The following H2AC1 variants were observed in gnomAD, a reference collection of about 807,000 sequenced individuals.
H2AC1 encodes the protein H2A clustered histone 1.
For missense variants in H2AC1, 218 were observed against 173.8 expected (o/e 1.25, Z -1.43); for synonymous variants, 145 against 70.0 (o/e 2.07, Z -5.35).
Position 25,726,081 on chromosome 6 carries a change from G to T in H2AC1, c.*51C>A. On this transcript the variant is annotated 3_prime_UTR_variant, in exon 1 of 1. Coordinates refer to ENST00000297012, the MANE Select transcript of H2AC1 (RefSeq NM_170745.3). ...GAGACGGTAGGTGGCTCTGAAAAGA[G>T]CCTTTTGTTTTTTCTGACACAGAAG... 6.8e-7 allele frequency: 1 copy of T among 1,467,922 alleles called. No homozygotes were observed. Among genetic ancestry groups the T allele is most frequent in the Non-Finnish European group, 9.1e-7 (1 of 1,097,966 alleles). The allele number at this position is 1,467,922 out of a possible 1,614,324, so 90.9% of individuals were successfully genotyped here. A position where few individuals can be genotyped will look rare whatever the true frequency, so the allele number is the denominator to read the frequency against.
Position 25,726,351 on chromosome 6 carries a change from G to T in H2AC1, c.177C>A (p.Leu59=). ...PVYLAAVLEY[L]TAEILELAGN... ...CTGCCAGCTCAAGGATTTCTGCTGT[G>T]AGATACTCTAACACTGCCGCCAAAT... Residue 59 remains leucine, a synonymous_variant, in exon 1 of 1, where the codon CTC becomes CTA. Coordinates refer to ENST00000297012, the MANE Select transcript of H2AC1 (RefSeq NM_170745.3). 6.2e-7 allele frequency: 1 copy of T among 1,614,110 alleles called. No individual in the cohort carries two copies. The highest frequency in any genetic ancestry group is 8.5e-7 in the Non-Finnish European group (1 of 1,180,016).
Position 25,726,352 on chromosome 6 carries a change from A to G in H2AC1, c.176T>C (p.Leu59Pro), listed in dbSNP as rs1397330800. Residue 59 changes from leucine (L) to proline (P), a missense_variant, in exon 1 of 1, where the codon CTC becomes CCC. Physicochemically the swap from Leu to Pro is moderately conservative, Grantham distance 98 (BLOSUM62 -3). Coordinates refer to ENST00000297012, the MANE Select transcript of H2AC1 (RefSeq NM_170745.3). ...TGCCAGCTCAAGGATTTCTGCTGTG[A>G]GATACTCTAACACTGCCGCCAAATA... is the stretch of plus-strand genomic sequence containing the variant. ...PVYLAAVLEY[L>P]TAEILELAGN... 6.2e-7 allele frequency: 1 copy of G among 1,614,144 alleles called. No individual in the cohort carries two copies. The highest frequency in any genetic ancestry group is 1.1e-5 in the South Asian group (1 of 91,072).
chr6:25,726,555 A>C lies in H2AC1; in HGVS notation c.-28T>G. 6.3e-7 allele frequency: 1 copy of C among 1,588,684 alleles called. No individual in the cohort carries two copies. The highest frequency in any genetic ancestry group is 1.1e-5 in the South Asian group (1 of 87,486). On this transcript the variant is annotated 5_prime_UTR_variant, in exon 1 of 1. Coordinates refer to ENST00000297012, the MANE Select transcript of H2AC1 (RefSeq NM_170745.3). ...CCTCGCATCAAATTGCAGCAACACG[A>C]GAACCACATTTCTAGGGCTGCTACT...
rs1561779607 is a variant in H2AC1, at chr6:25,726,467, T to C, written c.61A>G (p.Arg21Gly). 1.2e-6 allele frequency: 2 copies of C among 1,613,974 alleles called. No individual in the cohort carries two copies. Among genetic ancestry groups the C allele is most frequent in the Admixed American group, 1.7e-5 (1 of 60,028 alleles). Residue 21 changes from arginine (R) to glycine (G), a missense_variant, in exon 1 of 1, where the codon AGA becomes GGA. By Grantham distance (125) the Arg-to-Gly change is moderately radical. Coordinates refer to ENST00000297012, the MANE Select transcript of H2AC1 (RefSeq NM_170745.3). ...CCTACGGGAAACTGCAAACCCGCTCTAGAAGAGCGAGACTTAGACTTGGCG... is the reference window on the plus strand; with the variant it reads ...CCTACGGGAAACTGCAAACCCGCTCCAGAAGAGCGAGACTTAGACTTGGCG... ...ARAKSKSRSS[R>G]AGLQFPVGRI...
Position 25,726,119 on chromosome 6 carries a change from T to A in H2AC1, c.*13A>T. The A allele has an allele frequency of 2.0e-6, 3 of 1,509,224 alleles. No homozygotes were observed. The East Asian group carries it at 6.8e-5, about 34-fold the overall frequency. The allele number at this position is 1,509,224 out of a possible 1,614,324, so 93.5% of individuals were successfully genotyped here. A position where few individuals can be genotyped will look rare whatever the true frequency, so the allele number is the denominator to read the frequency against. On this transcript the variant is annotated 3_prime_UTR_variant, in exon 1 of 1. Coordinates refer to ENST00000297012, the MANE Select transcript of H2AC1 (RefSeq NM_170745.3). ...TCTGACACAGAAGTCTTTTTACCAA[T>A]GACAACCTTAAGTTACTTGCTTTGG...
rs761819890 is a variant in H2AC1 at position 25,726,103 on chromosome 6, G to C, written c.*29C>G. The C allele has an allele frequency of 2.0e-6, 3 of 1,497,764 alleles. No individual in the cohort carries two copies. The highest frequency in any genetic ancestry group is 2.3e-5 in the East Asian group (1 of 43,424). 92.8% of individuals were successfully genotyped at this position (1,497,764 alleles called of 1,614,324 possible). ...AGAGCCTTTTGTTTTTTCTGACACA[G>C]AAGTCTTTTTACCAATGACAACCTT... is the stretch of plus-strand genomic sequence containing the variant. On this transcript the variant is annotated 3_prime_UTR_variant, in exon 1 of 1. Coordinates refer to ENST00000297012, the MANE Select transcript of H2AC1 (RefSeq NM_170745.3).
At position 25,726,402 on chromosome 6, in the gene H2AC1, C is replaced by A. The variant is rs751373475; in HGVS notation, c.126G>T (p.Glu42Asp). 2.5e-6 allele frequency: 4 copies of A among 1,614,210 alleles called. No homozygotes were observed. The highest frequency in any genetic ancestry group is 3.4e-6 in the Non-Finnish European group (4 of 1,180,044). ...HRLLRKGNYA[E>D]RIGAGAPVYL... The stretch of plus-strand genomic sequence containing the variant: ...ACACTGGTGCGCCTGCCCCTATCCG[C>A]TCTGCATAGTTTCCCTTACGAAGCA... Residue 42 changes from glutamate to aspartate, a missense_variant, in exon 1 of 1, where the codon GAG becomes GAT. By Grantham distance (45) the Glu-to-Asp change is conservative. Transcript: ENST00000297012.
In H2AC1 at chr6:25,726,487, T is replaced by C. The variant is rs912807895; in HGVS notation, c.41A>G (p.Lys14Arg). 8.1e-6 allele frequency: 13 copies of C among 1,612,766 alleles called. No individual in the cohort carries two copies. The highest frequency in any genetic ancestry group is 5.3e-5 in the African/African-American group (4 of 74,904). The change falls in exon 1 of 1, where the codon AAG becomes AGG. Residue 14 changes from lysine (K) to arginine (R), a missense_variant. Coordinates refer to ENST00000297012, the MANE Select transcript of H2AC1 (RefSeq NM_170745.3). ...RGKQGGKARA[K>R]SKSRSSRAGL... ...CGCTCTAGAAGAGCGAGACTTAGAC[T>C]TGGCGCGTGCTTTTCCTCCCTGCTT...
At position 25,726,453 on chromosome 6, in the gene H2AC1, C is replaced by T. The variant is rs1413204959; in HGVS notation, c.75G>A (p.Gln25=). The T allele has an allele frequency of 1.2e-6, 2 of 1,614,040 alleles. No individual in the cohort carries two copies. The highest frequency in any genetic ancestry group is 2.2e-5 in the South Asian group (2 of 91,080). The change falls in exon 1 of 1, where the codon CAG becomes CAA. Residue 25 remains glutamine, a synonymous_variant. Coordinates refer to ENST00000297012, the MANE Select transcript of H2AC1 (RefSeq NM_170745.3). Reference sequence around the variant, plus strand: ...GACGATGGATCCGGCCTACGGGAAACTGCAAACCCGCTCTAGAAGAGCGAG... The same window carrying T: ...GACGATGGATCCGGCCTACGGGAAATTGCAAACCCGCTCTAGAAGAGCGAG... ...SKSRSSRAGL[Q]FPVGRIHRLL...
rs1434332756 is a variant in H2AC1, at chr6:25,726,108, CTT to C, written c.*22_*23del. ...CTTTTGTTTTTTCTGACACAGAAGT[CTT>C]TTTACCAATGACAACCTTAAGTTAC... On this transcript the variant is annotated 3_prime_UTR_variant, in exon 1 of 1. Transcript: ENST00000297012. The C allele has an allele frequency of 1.3e-6, 2 of 1,503,180 alleles. No individual in the cohort carries two copies. Among genetic ancestry groups the C allele is most frequent in the Non-Finnish European group, 8.9e-7 (1 of 1,125,292 alleles). 93.1% of individuals were successfully genotyped at this position (1,503,180 alleles called of 1,614,324 possible).
rs201976005 is a variant in H2AC1 at position 25,726,458 on chromosome 6, A to C, written c.70T>G (p.Leu24Val). The C allele has an allele frequency of 3.6e-5, 58 of 1,613,854 alleles. No individual in the cohort carries two copies. Among genetic ancestry groups the C allele is most frequent in the Non-Finnish European group, 4.9e-5 (58 of 1,180,032 alleles). Residue 24 changes from leucine to valine, a missense_variant, in exon 1 of 1, where the codon TTG becomes GTG. By Grantham distance (32) the Leu-to-Val change is conservative. Transcript: ENST00000297012. ...KSKSRSSRAG[L>V]QFPVGRIHRL... ...TGGATCCGGCCTACGGGAAACTGCA[A>C]ACCCGCTCTAGAAGAGCGAGACTTA...
At position 25,726,419 on chromosome 6, in the gene H2AC1, T is replaced by TA; in HGVS notation, c.108dup (p.Lys37Ter). The TA allele has an allele frequency of 6.2e-7, 1 of 1,614,136 alleles. No individual in the cohort carries two copies. The highest frequency in any genetic ancestry group is 1.1e-5 in the South Asian group (1 of 91,080). On this transcript the variant is annotated frameshift_variant, in exon 1 of 1. Transcript: ENST00000297012. LOFTEE classifies it low-confidence loss of function (END_TRUNC). ...CCTATCCGCTCTGCATAGTTTCCCTTACGAAGCAGACGATGGATCCGGCCT... is the reference window on the plus strand; with the variant it reads ...CCTATCCGCTCTGCATAGTTTCCCTTAACGAAGCAGACGATGGATCCGGCCT...
chr6:25,726,131 G>A lies in H2AC1; in HGVS notation c.*1C>T, dbSNP rs745792343. On this transcript the variant is annotated 3_prime_UTR_variant, in exon 1 of 1. Transcript: ENST00000297012. ...GTCTTTTTACCAATGACAACCTTAAGTTACTTGCTTTGGGCTTTATGGTGG... is the reference window on the plus strand; with the variant it reads ...GTCTTTTTACCAATGACAACCTTAAATTACTTGCTTTGGGCTTTATGGTGG... 6 of 1,524,036 alleles carry A rather than the reference G, an allele frequency of 3.9e-6. No homozygotes were observed. The highest frequency in any genetic ancestry group is 2.3e-5 in the East Asian group (1 of 44,026). The allele number at this position is 1,524,036 out of a possible 1,614,324, so 94.4% of individuals were successfully genotyped here.
In H2AC1 at chr6:25,726,089, T is replaced by G. The variant is rs769015649; in HGVS notation, c.*43A>C. 11 of 1,481,020 alleles carry G rather than the reference T, an allele frequency of 7.4e-6. No homozygotes were observed. Among genetic ancestry groups the G allele is most frequent in the Non-Finnish European group, 9.9e-6 (11 of 1,113,336 alleles). 91.7% of individuals were successfully genotyped at this position (1,481,020 alleles called of 1,614,324 possible). ...AGGTGGCTCTGAAAAGAGCCTTTTG[T>G]TTTTTCTGACACAGAAGTCTTTTTA... On this transcript the variant is annotated 3_prime_UTR_variant, in exon 1 of 1. Coordinates refer to ENST00000297012, the MANE Select transcript of H2AC1 (RefSeq NM_170745.3).
Position 25,726,118 on chromosome 6 carries a change from A to G in H2AC1, c.*14T>C. ...TTCTGACACAGAAGTCTTTTTACCA[A>G]TGACAACCTTAAGTTACTTGCTTTG... On this transcript the variant is annotated 3_prime_UTR_variant, in exon 1 of 1. Coordinates refer to ENST00000297012, the MANE Select transcript of H2AC1 (RefSeq NM_170745.3). 1 of 1,508,780 alleles carries G rather than the reference A, an allele frequency of 6.6e-7. No individual in the cohort carries two copies. Among genetic ancestry groups the G allele is most frequent in the South Asian group, 1.4e-5 (1 of 72,190 alleles). 93.5% of individuals were successfully genotyped at this position (1,508,780 alleles called of 1,614,324 possible).
In H2AC1 at chr6:25,726,174, G is replaced by A. The variant is rs775281918; in HGVS notation, c.354C>T (p.Pro118=). The A allele has an allele frequency of 9.7e-5, 154 of 1,580,136 alleles. 1 individual carries two copies. In the South Asian group the frequency reaches 1.6e-3, roughly 16 times the overall value. The change falls in exon 1 of 1, where the codon CCC becomes CCT. Residue 118 remains proline, a synonymous_variant. Transcript: ENST00000297012. ...TATGGTGGTGACTCTCAGTCTTCTT[G>A]GGCAGCAGCACTGCCTGAATGTTAG... The part of the protein sequence containing the change: ...VLPNIQAVLL[P]KKTESHHHKA...
rs749990653 is a variant in H2AC1, at chr6:25,726,126, C to CTT, written c.*4_*5dup. 4 of 1,520,506 alleles carry CTT rather than the reference C, an allele frequency of 2.6e-6. No homozygotes were observed. The African/African-American group carries it at 5.6e-5, about 21-fold the overall frequency. The allele number at this position is 1,520,506 out of a possible 1,614,324, so 94.2% of individuals were successfully genotyped here. A position where few individuals can be genotyped will look rare whatever the true frequency, so the allele number is the denominator to read the frequency against. ...CAGAAGTCTTTTTACCAATGACAAC[C>CTT]TTAAGTTACTTGCTTTGGGCTTTAT... On this transcript the variant is annotated 3_prime_UTR_variant, in exon 1 of 1. Coordinates refer to ENST00000297012, the MANE Select transcript of H2AC1 (RefSeq NM_170745.3).
In H2AC1 at chr6:25,726,387, G is replaced by T; in HGVS notation, c.141C>A (p.Gly47=). 1 of 1,614,074 alleles carries T rather than the reference G, an allele frequency of 6.2e-7. No individual in the cohort carries two copies. The stretch of plus-strand genomic sequence containing the variant: ...ACACTGCCGCCAAATACACTGGTGC[G>T]CCTGCCCCTATCCGCTCTGCATAGT... ...KGNYAERIGA[G]APVYLAAVLE... Residue 47 remains glycine, a synonymous_variant, in exon 1 of 1, where the codon GGC becomes GGA. Transcript: ENST00000297012.
At position 25,726,100 on chromosome 6, in the gene H2AC1, A is replaced by G; in HGVS notation, c.*32T>C. The stretch of plus-strand genomic sequence containing the variant: ...AAAAGAGCCTTTTGTTTTTTCTGAC[A>G]CAGAAGTCTTTTTACCAATGACAAC... On this transcript the variant is annotated 3_prime_UTR_variant, in exon 1 of 1. Transcript: ENST00000297012. 5 of 1,295,512 alleles carry G rather than the reference A, an allele frequency of 3.9e-6. No individual in the cohort carries two copies. The highest frequency in any genetic ancestry group is 5.2e-6 in the Non-Finnish European group (5 of 969,412). 80.3% of individuals were successfully genotyped at this position (1,295,512 alleles called of 1,614,324 possible).
Sources: gnomAD v4.1 joint callset for allele counts on GRCh38, gnomAD v4.1.1 for gene constraint, MANE v1.5 for transcripts, NCBI Gene and HGNC (gene_info 2026-07-23, HGNC 2026-07-21) for gene names.